The following SLIT3 variants were observed in gnomAD, a reference collection of about 807,000 sequenced individuals.
SLIT3 encodes slit homolog 3 protein.
Under a neutral mutation model 184.0 loss-of-function variants are expected in SLIT3, and 68 were observed. The ratio of observed to expected loss-of-function variants is 0.37; its 90% CI spans 0.30 to 0.45. The LOEUF is 0.45. Among genes scored for constraint, SLIT3 ranks in the 20% least tolerant of loss-of-function variants. The pLI, the probability that SLIT3 is intolerant of heterozygous loss-of-function variation, is 1.00. For synonymous variants in SLIT3, 831 were observed against 828.6 expected (o/e 1.00, Z -0.05); for missense variants, 1,707 against 2,026.0 (o/e 0.84, Z 3.02).
chr5:169,175,529 G>A (rs976159346), intron 4 of SLIT3, among the ~76,000 whole-genome samples: 1 of 152,192 alleles, frequency 6.6e-6, no homozygotes, highest in Non-Finnish European at 1.5e-5. Flanking sequence ...GAAGATTAAA[G>A]GAGATTCTGA....
intron 4 of SLIT3, among the ~76,000 whole-genome samples, chr5:169,105,244 C>T (rs1760160881): frequency 1.3e-5 from 2 of 152,156 alleles, no homozygotes; most frequent in Non-Finnish European, 2.9e-5. Context: ...CCCTCTCCTT[C>T]CCCTGGAGAC....
intron 4 of SLIT3, among the ~76,000 whole-genome samples, chr5:169,084,348 G>A (rs886624891): frequency 2.7e-5 from 4 of 150,370 alleles, no homozygotes; most frequent in East Asian, 3.9e-4. Context: ...GCAATGGCGC[G>A]ATCGTGATCT....
intron 4 of SLIT3, among the ~76,000 whole-genome samples, chr5:169,014,249 A>G (rs1251663151): frequency 6.6e-6 from 1 of 152,222 alleles, no homozygotes; most frequent in Non-Finnish European, 1.5e-5. Context: ...ATCTGGTAGT[A>G]TCACCTGCCT....
chr5:168,749,431 C>A, intron 19 of SLIT3, 41 bp downstream of exon 19: 1 of 1,611,136 alleles, frequency 6.2e-7, no homozygotes, highest in South Asian at 1.1e-5. Context: ...CCTTGCCTTC[C>A]CAGGGCCTTC....
At chr5:169,271,066 C>T (rs1259829597) in intron 1 of SLIT3, among the ~76,000 whole-genome samples, 4 of 152,158 alleles carry the variant, frequency 2.6e-5, no homozygotes, top group Admixed American at 6.5e-5. Context: ...GAAAATGGCA[C>T]ACCTGGAGTA....
chr5:168,875,247 G>A (rs972141229), intron 5 of SLIT3, among the ~76,000 whole-genome samples: 1 of 150,440 alleles, frequency 6.6e-6, no homozygotes, highest in African/African-American at 2.5e-5. Flanking sequence ...GGGAGGAAGA[G>A]AGAGGGAAGA....
intron 3 of SLIT3, among the ~76,000 whole-genome samples, chr5:169,216,868 C>T (rs1056868820): frequency 4.6e-5 from 7 of 152,106 alleles, no homozygotes; most frequent in African/African-American, 1.2e-4. Flanking sequence ...ACTTATGAGC[C>T]GATAGGTATT....
chr5:168,912,889 C>G (rs952127754), intron 4 of SLIT3, among the ~76,000 whole-genome samples: 2 of 152,136 alleles, frequency 1.3e-5, no homozygotes, highest in Non-Finnish European at 2.9e-5. Flanking sequence ...CACTGCTCTC[C>G]CTCCCCTTTG....
chr5:168,793,780 G>A (rs1476568719), intron 10 of SLIT3, among the ~76,000 whole-genome samples: 3 of 121,826 alleles, frequency 2.5e-5, no homozygotes, highest in Non-Finnish European at 5.2e-5. Flanking sequence ...GCATAATCAA[G>A]CTGAGCTTTA....
intron 6 of SLIT3, among the ~76,000 whole-genome samples, chr5:168,843,840 T>C (rs901820836): frequency 1.3e-5 from 2 of 152,202 alleles, no homozygotes; most frequent in Non-Finnish European, 2.9e-5. Context: ...ACTTTCCTCC[T>C]GGGAGTTAGG....
At chr5:168,741,458 G>A (rs568389746) in intron 20 of SLIT3, among the ~76,000 whole-genome samples, 15 of 123,102 alleles carry the variant, frequency 1.2e-4, no homozygotes, top group South Asian at 2.6e-4. Flanking sequence ...CAGCCTGGGC[G>A]ACAGAGCAAG....
At chr5:168,742,211 G>A (rs1025636083) in intron 20 of SLIT3, among the ~76,000 whole-genome samples, 13 of 143,590 alleles carry the variant, frequency 9.1e-5, no homozygotes, top group Admixed American at 2.8e-4. Context: ...TAGCCCCAAG[G>A]CACAGGCAGA....
chr5:168,712,959 A>C (rs4867802), intron 23 of SLIT3, among the ~76,000 whole-genome samples: 23,255 of 152,076 alleles, frequency 0.15, 2,384 homozygotes, highest in Non-Finnish European at 0.22. Flanking sequence ...ATGACTAATC[A>C]ATATTAATAT....
At chr5:168,767,817 G>A (rs944426011) in intron 14 of SLIT3, among the ~76,000 whole-genome samples, 1 of 152,204 alleles carries the variant, frequency 6.6e-6, no homozygotes, top group South Asian at 2.1e-4. Flanking sequence ...ACCATGGGGC[G>A]TATGCCTTGG....
At chr5:169,178,299 A>G (rs549543743) in intron 4 of SLIT3, among the ~76,000 whole-genome samples, 1 of 152,320 alleles carries the variant, frequency 6.6e-6, no homozygotes, top group South Asian at 2.1e-4. Flanking sequence ...ACAGCAACAA[A>G]CCAGAAATCT....
intron 3 of SLIT3, among the ~76,000 whole-genome samples, chr5:169,231,478 G>A (rs754109175): frequency 7.2e-5 from 11 of 152,090 alleles, no homozygotes; most frequent in Non-Finnish European, 1.6e-4. Context: ...TTTTATGTCC[G>A]GTTTTTGTCC....
chr5:168,664,674 C>A lies in SLIT3; in HGVS notation c.*1780G>T, dbSNP rs543629102. ...GCTGAAAGGTCCAATGAATTCCAAA[C>A]TCTTCTCCCTGAAACTCCTACAGTG... On this transcript the variant is annotated 3_prime_UTR_variant, in exon 36 of 36. Transcript: ENST00000519560. 1 of 152,360 alleles carries A rather than the reference C, an allele frequency of 6.6e-6. No homozygotes were observed. The highest frequency in any genetic ancestry group is 2.1e-4 in the South Asian group (1 of 4,820). The allele number at this position is 152,360 out of a possible 1,614,324, so 9.4% of individuals were successfully genotyped here. A position where few individuals can be genotyped will look rare whatever the true frequency, so the allele number is the denominator to read the frequency against.
intron 16 of SLIT3, 107 bp downstream of exon 16, chr5:168,760,755 G>C (rs2288797): frequency 0.48 from 375,748 of 790,438 alleles, 92,046 homozygotes; most frequent in East Asian, 0.7. Flanking sequence ...CTGGGAGGGA[G>C]TGGAGCAGAG....
At chr5:169,193,953 G>T (rs1282178336) in intron 3 of SLIT3, among the ~76,000 whole-genome samples, 1 of 152,116 alleles carries the variant, frequency 6.6e-6, no homozygotes, top group Non-Finnish European at 1.5e-5. Flanking sequence ...ACATAAATGG[G>T]CCAGGCACGG....
Sources: allele counts gnomAD v4.1 joint callset (sites outside exome capture counted in the v4.1 genomes callset), GRCh38; gene constraint gnomAD v4.1.1; transcripts MANE v1.5; gene names NCBI Gene and HGNC (gene_info 2026-07-23, HGNC 2026-07-21).